Variants in MEIG1 observed in about 807,000 individuals in gnomAD.
MEIG1 encodes meiosis expressed gene 1 protein homolog.
Under a neutral mutation model 11.3 loss-of-function variants are expected in MEIG1, and 12 were observed. The observed-to-expected ratio is 1.07, with a 90% CI of 0.68 to 1.73. The LOEUF (loss-of-function observed/expected upper bound fraction) is 1.73, where lower values mean the gene tolerates loss of function less well. MEIG1 is among the 40% of genes most tolerant of loss of function. The pLI is 0.00. For missense variants in MEIG1, 119 were observed against 104.9 expected, an observed-to-expected ratio of 1.13 and a Z score of -0.59; for synonymous variants, 41 against 33.2, an observed-to-expected ratio of 1.24 and a Z score of -0.81.
chr10:14,984,054 G>T (rs1843291308), intron 1 of MEIG1, among the ~76,000 whole-genome samples: 1 of 152,084 alleles, frequency 6.6e-6, no homozygotes, highest in Admixed American at 6.5e-5. Context: ...TTACGGCAAA[G>T]AGTGCAGAGG....
At chr10:14,958,836 C>G (rs1002934368), upstream of MEIG1, among the ~76,000 whole-genome samples, 6 of 151,926 alleles carry the variant, frequency 3.9e-5, no homozygotes, top group Admixed American at 1.3e-4. Flanking sequence ...GCGGAGCTTG[C>G]AGTGAGCCGA....
At chr10:14,965,322 GAAAACA>G (rs2131265781) in intron 1 of MEIG1, among the ~76,000 whole-genome samples, 1 of 152,264 alleles carries the variant, frequency 6.6e-6, no homozygotes, top group South Asian at 2.1e-4. Context: ...AAGTAGCTGA[GAAAACA>G]AGTGTAAGAT....
At chr10:14,987,092 G>C in intron 2 of MEIG1, 1 of 673,838 alleles carries the variant, frequency 1.5e-6, no homozygotes, top group Non-Finnish European at 2.5e-6. Context: ...ACAGTCAGGA[G>C]CATGCATTCT....
intron 2 of MEIG1, among the ~76,000 whole-genome samples, chr10:14,967,827 C>CA (rs1435390084): frequency 2.3e-5 from 2 of 87,020 alleles, no homozygotes; most frequent in Non-Finnish European, 5.6e-5. Flanking sequence ...GCATTCATGA[C>CA]AAACCTTTTC....
intron 1 of MEIG1, among the ~76,000 whole-genome samples, chr10:14,959,901 T>C (rs1435460140): frequency 6.6e-6 from 1 of 152,174 alleles, no homozygotes; most frequent in East Asian, 1.9e-4. Context: ...ACCAGGCGGA[T>C]TTCATCTCCC....
At chr10:14,965,638 C>A (rs566828330) in intron 1 of MEIG1, among the ~76,000 whole-genome samples, 2 of 147,982 alleles carry the variant, frequency 1.4e-5, no homozygotes, top group Non-Finnish European at 3.0e-5. Flanking sequence ...AACAAGAAAG[C>A]GAACAGAGTG....
intron 1 of MEIG1, among the ~76,000 whole-genome samples, chr10:14,984,573 C>T (rs1025697680): frequency 6.6e-6 from 1 of 151,878 alleles, no homozygotes; most frequent in Non-Finnish European, 1.5e-5. Flanking sequence ...GGAAGTTTCC[C>T]TTTGATATTA....
At chr10:14,974,003 AG>A (rs1843180837), downstream of MEIG1, among the ~76,000 whole-genome samples, 1 of 152,168 alleles carries the variant, frequency 6.6e-6, no homozygotes, top group Non-Finnish European at 1.5e-5. Context: ...TACATATGAT[AG>A]GCCTTACACA....
At chr10:14,962,532 C>T (rs1455225070) in intron 1 of MEIG1, among the ~76,000 whole-genome samples, 3 of 152,150 alleles carry the variant, frequency 2.0e-5, no homozygotes, top group African/African-American at 4.8e-5. Context: ...TTAAATGTAG[C>T]ATTTTTATGT....
chr10:14,960,564 G>A (rs1843000700), intron 1 of MEIG1, among the ~76,000 whole-genome samples: 1 of 152,024 alleles, frequency 6.6e-6, no homozygotes, highest in South Asian at 2.1e-4. Flanking sequence ...GACCACAGGT[G>A]CCCGCCACGA....
chr10:14,987,364 G>A (rs1008325794), intron 2 of MEIG1: 15 of 783,850 alleles, frequency 1.9e-5, no homozygotes, highest in African/African-American at 3.4e-5. Flanking sequence ...ACAGCAAAGC[G>A]AGGACAGGCT....
chr10:14,977,272 C>T (rs1199781859), downstream of MEIG1, among the ~76,000 whole-genome samples: 1 of 152,002 alleles, frequency 6.6e-6, no homozygotes, highest in African/African-American at 2.4e-5. Flanking sequence ...AGATGGTGTA[C>T]ACCCCATGTT....
upstream of MEIG1, chr10:14,959,355 A>C (rs113481922): frequency 1.8e-4 from 27 of 152,428 alleles, no homozygotes; most frequent in African/African-American, 6.3e-4. Flanking sequence ...CGGGGCCTGA[A>C]GGAGCCGGGA....
intron 2 of MEIG1, among the ~76,000 whole-genome samples, chr10:14,971,890 G>A (rs561578749): frequency 3.4e-4 from 52 of 152,164 alleles, no homozygotes; most frequent in Admixed American, 5.9e-4. Flanking sequence ...GCCGAGCTGG[G>A]AGGATCACTT....
downstream of MEIG1, among the ~76,000 whole-genome samples, chr10:14,975,652 C>A (rs1387563853): frequency 6.6e-6 from 1 of 151,906 alleles, no homozygotes; most frequent in Admixed American, 6.6e-5. Context: ...TGTACAGCCC[C>A]CCTGTGATAT....
downstream of MEIG1, among the ~76,000 whole-genome samples, chr10:14,975,205 A>T (rs1564507751): frequency 6.6e-6 from 1 of 152,050 alleles, no homozygotes; most frequent in South Asian, 2.1e-4. Flanking sequence ...TTTCTGTGAC[A>T]TTGTTCCTAA....
intron 1 of MEIG1, among the ~76,000 whole-genome samples, chr10:14,966,026 C>T (rs1205697194): frequency 6.7e-6 from 1 of 149,750 alleles, no homozygotes; most frequent in African/African-American, 2.5e-5. Context: ...ATGGGATTCT[C>T]AACTCTAAGT....
chr10:14,968,168 T>G (rs1188281305), intron 2 of MEIG1, among the ~76,000 whole-genome samples: 1 of 152,194 alleles, frequency 6.6e-6, no homozygotes, highest in Non-Finnish European at 1.5e-5. Flanking sequence ...TTCTATTCTT[T>G]GACCTCTACT....
chr10:14,963,852 C>CT (rs1225047823), intron 1 of MEIG1, among the ~76,000 whole-genome samples: 1 of 152,072 alleles, frequency 6.6e-6, no homozygotes, highest in East Asian at 1.9e-4. Flanking sequence ...TAATCCCAGC[C>CT]TTTTGGGGGG....
Sources: gnomAD v4.1 joint callset for allele counts (sites outside exome capture counted in the v4.1 genomes callset) on GRCh38, gnomAD v4.1.1 for gene constraint, MANE v1.5 for transcripts, NCBI Gene and HGNC (gene_info 2026-07-23, HGNC 2026-07-21) for gene names.